The following EFCAB11 variants were observed in gnomAD, a reference collection of about 807,000 sequenced individuals.
EFCAB11 encodes the protein EF-hand calcium binding domain 11.
A neutral mutation model predicts 23.0 loss-of-function variants in EFCAB11; 14 were observed. The ratio of observed to expected loss-of-function variants is 0.61; its 90% CI spans 0.40 to 0.95. The LOEUF (loss-of-function observed/expected upper bound fraction) is 0.95. Ranked by LOEUF, EFCAB11 falls within the 40% of genes least tolerant of loss-of-function variation. The pLI, the probability that EFCAB11 is intolerant of heterozygous loss-of-function variation, is 0.00. For missense variants in EFCAB11, 198 were observed against 195.8 expected, an observed-to-expected ratio of 1.01 and a Z score of -0.07; for synonymous variants, 65 against 66.6, an observed-to-expected ratio of 0.98 and a Z score of 0.11.
intron 5 of EFCAB11, among the ~76,000 whole-genome samples, chr14:89,893,781 A>T (rs1419385001): frequency 6.8e-6 from 1 of 147,814 alleles, no homozygotes; most frequent in Non-Finnish European, 1.5e-5. Context: ...CGTCTCCAAA[A>T]AAAAAAAACA....
intron 5 of EFCAB11, among the ~76,000 whole-genome samples, chr14:89,807,988 T>A (rs1338485080): frequency 6.6e-6 from 1 of 151,516 alleles, no homozygotes; most frequent in African/African-American, 2.4e-5. Flanking sequence ...TTCAAACGAG[T>A]GGGGATGGAA....
intron 5 of EFCAB11, among the ~76,000 whole-genome samples, chr14:89,861,298 C>T (rs1283474443): frequency 6.6e-6 from 1 of 152,164 alleles, no homozygotes; most frequent in East Asian, 1.9e-4. Context: ...ACATTGCTTC[C>T]CAATATCCAA....
intron 5 of EFCAB11, among the ~76,000 whole-genome samples, chr14:89,819,000 G>A (rs1180692455): frequency 6.6e-6 from 1 of 152,120 alleles, no homozygotes; most frequent in Non-Finnish European, 1.5e-5. Context: ...TCTACCACAC[G>A]GTCCAGCCAT....
chr14:89,825,899 G>C (rs1274546528), intron 5 of EFCAB11, among the ~76,000 whole-genome samples: 1 of 152,096 alleles, frequency 6.6e-6, no homozygotes, highest in Non-Finnish European at 1.5e-5. Context: ...AAAATAGTAA[G>C]TTAATTGAAA....
intron 3 of EFCAB11, among the ~76,000 whole-genome samples, chr14:89,939,165 T>A (rs956260744): frequency 9.9e-5 from 15 of 152,048 alleles, no homozygotes; most frequent in African/African-American, 1.9e-4. Context: ...GCTTCATCCT[T>A]CCTTCCGTGC....
chr14:89,832,995 C>T (rs1389555099), intron 5 of EFCAB11: 2 of 152,138 alleles, frequency 1.3e-5, no homozygotes, highest in African/African-American at 2.4e-5. Flanking sequence ...TCTCATCTAT[C>T]CTCCTTTGAG....
chr14:89,941,584 CTT>C (rs201529202), intron 3 of EFCAB11, among the ~76,000 whole-genome samples: 91 of 142,720 alleles, frequency 6.4e-4, no homozygotes, highest in African/African-American at 2.1e-3. Flanking sequence ...CTTTTTAGTA[CTT>C]TTTTTTTTTT....
intron 5 of EFCAB11, among the ~76,000 whole-genome samples, chr14:89,909,342 C>T (rs1318258704): frequency 1.3e-5 from 2 of 152,184 alleles, no homozygotes; most frequent in East Asian, 3.8e-4. Flanking sequence ...CTTTGGGAGG[C>T]CAAGGTGGGC....
intron 5 of EFCAB11, among the ~76,000 whole-genome samples, chr14:89,910,423 C>T (rs1186445473): frequency 6.6e-6 from 1 of 152,072 alleles, no homozygotes; most frequent in Non-Finnish European, 1.5e-5. Flanking sequence ...CATGGTGAAA[C>T]CCTATCTCTA....
intron 5 of EFCAB11, among the ~76,000 whole-genome samples, chr14:89,842,637 G>GATATGATATAATATAATATA (rs1304143561): frequency 1.0e-4 from 5 of 48,976 alleles, no homozygotes; most frequent in African/African-American, 2.4e-4. Flanking sequence ...GATATGATAT[G>GATATGATATAATATAATATA]ATATAATATA....
At chr14:89,931,820 TTCCTTC>T in intron 4 of EFCAB11, among the ~76,000 whole-genome samples, 189 bp from the exon 5 acceptor site, 1 of 152,196 alleles carries the variant, frequency 6.6e-6, no homozygotes, top group South Asian at 2.1e-4. Context: ...TAATAATACT[TTCCTTC>T]AGTGCAGTCC....
At chr14:89,924,079 A>G (rs1022924895) in intron 5 of EFCAB11, 14 of 985,488 alleles carry the variant, frequency 1.4e-5, no homozygotes, top group Non-Finnish European at 1.6e-5. Flanking sequence ...CCAAGGGAAT[A>G]TCCATCACTC....
Position 89,797,126 on chromosome 14 carries a change from T to A in EFCAB11, c.*117A>T. On this transcript the variant is annotated 3_prime_UTR_variant, in exon 6 of 6. Transcript: ENST00000316738. The stretch of plus-strand genomic sequence containing the variant: ...GCACCTACTATGTACCCACAAAAAT[T>A]AAAAATTTTTAAATGTTTAATCACA... 1 of 930,464 alleles carries A rather than the reference T, an allele frequency of 1.1e-6. No individual in the cohort carries two copies. The highest frequency in any genetic ancestry group is 1.8e-5 in the South Asian group (1 of 56,666). The allele number at this position is 930,464 out of a possible 1,614,324, so 57.6% of individuals were successfully genotyped here. A position where few individuals can be genotyped will look rare whatever the true frequency, so the allele number is the denominator to read the frequency against.
chr14:89,797,243 T>C lies in EFCAB11; in HGVS notation c.492A>G (p.Ter164=). ...AGTTACCAAAAGTAGTTCACAATAG[T>C]TAGGCTTCCTTCTGTCCATAGTTCA... ...YALNYGQKEA[*] is the part of the protein sequence containing the mutation. Residue 164 remains the stop codon, a stop_retained_variant, in exon 6 of 6, where the codon TAA becomes TAG. Coordinates refer to ENST00000316738, the MANE Select transcript of EFCAB11 (RefSeq NM_145231.4). The C allele has an allele frequency of 6.2e-7, 1 of 1,613,068 alleles. No individual in the cohort carries two copies. Among genetic ancestry groups the C allele is most frequent in the East Asian group, 2.2e-5 (1 of 44,848 alleles).
chr14:89,799,898 G>A (rs1306878215), intron 5 of EFCAB11, among the ~76,000 whole-genome samples: 8 of 152,084 alleles, frequency 5.3e-5, no homozygotes, highest in East Asian at 1.9e-4. Flanking sequence ...GTCTAAAAAC[G>A]CTTGTGGCTG....
intron 2 of EFCAB11, among the ~76,000 whole-genome samples, chr14:89,952,812 A>C (rs1291195305): frequency 6.6e-6 from 1 of 152,184 alleles, no homozygotes; most frequent in African/African-American, 2.4e-5. Flanking sequence ...GTCTGGTCTA[A>C]TGAGAGTGAG....
intron 5 of EFCAB11, among the ~76,000 whole-genome samples, chr14:89,929,589 T>C (rs1296214672): frequency 6.6e-6 from 1 of 152,156 alleles, no homozygotes; most frequent in Admixed American, 6.5e-5. Context: ...TTTCGCCATG[T>C]TGGCCAGGCT....
chr14:89,918,044 G>GGACA (rs1266654792), intron 5 of EFCAB11, among the ~76,000 whole-genome samples: 2 of 152,132 alleles, frequency 1.3e-5, no homozygotes, highest in African/African-American at 4.8e-5. Context: ...AAAGGACAGG[G>GGACA]GACAACTGGA....
At chr14:89,949,527 G>C (rs1891091649) in intron 3 of EFCAB11, among the ~76,000 whole-genome samples, 1 of 151,408 alleles carries the variant, frequency 6.6e-6, no homozygotes, top group Admixed American at 6.6e-5. Context: ...ACCACGCCCA[G>C]CTAATTTTTT....
Sources: gnomAD v4.1 joint callset for allele counts (sites outside exome capture counted in the v4.1 genomes callset) on GRCh38, gnomAD v4.1.1 for gene constraint, MANE v1.5 for transcripts, NCBI Gene and HGNC (gene_info 2026-07-23, HGNC 2026-07-21) for gene names.